Variants in KLRG1 observed in about 807,000 individuals in gnomAD.
KLRG1 encodes killer cell lectin-like receptor subfamily G member 1.
A neutral mutation model predicts 21.8 loss-of-function variants in KLRG1; 16 were observed. That is an observed-to-expected ratio of 0.73 (90% CI 0.50 to 1.11). The LOEUF (loss-of-function observed/expected upper bound fraction) is 1.11, where lower values mean the gene tolerates loss of function less well. Among genes scored for constraint, KLRG1 ranks in the 50% most tolerant of loss-of-function variants. The pLI is 0.00. For missense variants in KLRG1, 173 were observed against 218.3 expected, an observed-to-expected ratio of 0.79 and a Z score of 1.31; for synonymous variants, 69 against 75.9, an observed-to-expected ratio of 0.91 and a Z score of 0.47.
At chr12:8,966,362 T>G (rs902652498) in intron 1 of KLRG1, among the ~76,000 whole-genome samples, 2 of 151,960 alleles carry the variant, frequency 1.3e-5, no homozygotes, top group African/African-American at 4.8e-5. Context: ...CTAAAGAGCT[T>G]CTGCACAGCA....
chr12:9,104,255 G>T, the KLRG1 span: 1 of 1,612,094 alleles, frequency 6.2e-7, no homozygotes, highest in Admixed American at 1.7e-5. Flanking sequence ...AGTAAGAGAG[G>T]TACCCATAAC....
the KLRG1 span, among the ~76,000 whole-genome samples, chr12:9,199,505 A>T: frequency 6.6e-6 from 1 of 152,174 alleles, no homozygotes; most frequent in South Asian, 2.1e-4. Flanking sequence ...TATCAAAAAG[A>T]TCAATGTAAA....
the KLRG1 span, chr12:9,095,601 T>G: frequency 1.2e-6 from 2 of 1,612,156 alleles, no homozygotes; most frequent in East Asian, 4.5e-5. Context: ...GTGATTCCAT[T>G]AATATAGACA....
chr12:9,152,707 T>C, the KLRG1 span: 5 of 1,066,576 alleles, frequency 4.7e-6, no homozygotes, highest in African/African-American at 8.1e-5. Flanking sequence ...CATTTATAGA[T>C]ATATCAATTC....
At chr12:8,954,177 C>A (rs939891208) in intron 1 of KLRG1, among the ~76,000 whole-genome samples, 33 of 151,910 alleles carry the variant, frequency 2.2e-4, no homozygotes, top group Admixed American at 5.9e-4. Flanking sequence ...TGAAATAAGA[C>A]ACACACAGAA....
downstream of KLRG1, among the ~76,000 whole-genome samples, chr12:9,012,382 G>A (rs1290310280): frequency 6.6e-6 from 1 of 152,130 alleles, no homozygotes; most frequent in Non-Finnish European, 1.5e-5. Flanking sequence ...GGACCAGAAA[G>A]GAATGTGCTG....
the KLRG1 span, chr12:9,110,131 T>G: frequency 0.5 from 670,695 of 1,354,412 alleles, 173,023 homozygotes; most frequent in African/African-American, 0.76. Context: ...TACAAAAAGG[T>G]CAAATGGGGT....
At chr12:9,201,821 T>C in the KLRG1 span, among the ~76,000 whole-genome samples, 1 of 152,114 alleles carries the variant, frequency 6.6e-6, no homozygotes, top group East Asian at 1.9e-4. Flanking sequence ...TAAAAGCAGC[T>C]TTGTTCCTTT....
At chr12:9,056,652 C>T in the KLRG1 span, among the ~76,000 whole-genome samples, 5 of 151,984 alleles carry the variant, frequency 3.3e-5, no homozygotes, top group South Asian at 1.0e-3. Context: ...TTCCAATGAT[C>T]GTCCTGCCTC....
chr12:9,157,974 G>T, the KLRG1 span: 1 of 773,158 alleles, frequency 1.3e-6, no homozygotes, highest in Non-Finnish European at 2.1e-6. Flanking sequence ...TCTCTCTCTC[G>T]ACAGGTTCTT....
intron 3 of KLRG1, among the ~76,000 whole-genome samples, chr12:9,004,178 C>T (rs1321784385): frequency 6.6e-6 from 1 of 152,158 alleles, no homozygotes; most frequent in African/African-American, 2.4e-5. Flanking sequence ...GTGCATGTGT[C>T]TTTATAGCAG....
the KLRG1 span, chr12:9,196,710 A>C: frequency 6.6e-7 from 1 of 1,521,388 alleles, no homozygotes; most frequent in Non-Finnish European, 9.1e-7. Context: ...AAAACCAATA[A>C]ATGTCAAACT....
the KLRG1 span, among the ~76,000 whole-genome samples, chr12:9,132,604 T>C: frequency 1.3e-5 from 2 of 152,116 alleles, no homozygotes; most frequent in Non-Finnish European, 2.9e-5. Flanking sequence ...AGGAAGACCA[T>C]TCAGGGGGCT....
At chr12:9,017,994 A>G in the KLRG1 span, among the ~76,000 whole-genome samples, 1 of 152,240 alleles carries the variant, frequency 6.6e-6, no homozygotes, top group Non-Finnish European at 1.5e-5. Context: ...AAAAGAAATC[A>G]AGAAAGTAAT....
chr12:9,121,286 A>G, the KLRG1 span, among the ~76,000 whole-genome samples: 2 of 152,190 alleles, frequency 1.3e-5, no homozygotes. This position sits in a 1 kb window ranked among gnomAD's most constrained non-coding sequence, Gnocchi z 4.4. Context: ...TCTCAAAATT[A>G]TCAAAAAGCA....
intron 1 of KLRG1, among the ~76,000 whole-genome samples, chr12:8,979,265 G>A (rs936177731): frequency 6.6e-6 from 1 of 151,970 alleles, no homozygotes; most frequent in Non-Finnish European, 1.5e-5. Context: ...TGATCCATCT[G>A]CCTCAGTCTC....
At chr12:9,002,476 C>T (rs747461777) in intron 3 of KLRG1, among the ~76,000 whole-genome samples, 1 of 152,156 alleles carries the variant, frequency 6.6e-6, no homozygotes, top group Non-Finnish European at 1.5e-5. Flanking sequence ...TATAAGCAAA[C>T]ATTACAAACT....
Position 8,967,067 on chromosome 12 carries a change from C to T in KLRG1, c.-156+16831C>T, listed in dbSNP as rs1362341689. On this transcript the variant is annotated intron_variant, in intron 1 of 4. Transcript: ENST00000539240. ...GGATGAAGCTGGAAACCATCATTCT[C>T]AGCAAACTATTGCAAGGACAAAAAA... 2.0e-5 allele frequency among the ~76,000 whole-genome samples: 3 copies of T among 150,100 alleles called. No homozygotes were observed. In the East Asian group the frequency reaches 5.9e-4, roughly 29 times the overall value.
At chr12:9,027,849 T>G in the KLRG1 span, 2 of 981,984 alleles carry the variant, frequency 2.0e-6, no homozygotes, top group Non-Finnish European at 3.2e-6. Flanking sequence ...ACCAAAGTTG[T>G]CACTCCCACC....
Sources: gnomAD v4.1 joint callset for allele counts (sites outside exome capture counted in the v4.1 genomes callset) on GRCh38, gnomAD v4.1.1 for gene constraint, Gnocchi (gnomAD v3.1) non-coding constraint, MANE v1.5 for transcripts, NCBI Gene and HGNC (gene_info 2026-07-23, HGNC 2026-07-21) for gene names.